Variants in PRKCQ observed in about 807,000 individuals in gnomAD.
PRKCQ encodes the protein protein kinase C theta.
Under a neutral mutation model 91.2 loss-of-function variants are expected in PRKCQ, and 41 were observed. The ratio of observed to expected loss-of-function variants is 0.45; its 90% confidence interval spans 0.35 to 0.58. PRKCQ has a LOEUF of 0.58. Ranked by LOEUF, PRKCQ falls within the 20% of genes least tolerant of loss-of-function variation. The pLI, the probability that PRKCQ is intolerant of heterozygous loss-of-function variation, is 0.00. For missense variants in PRKCQ, 673 were observed against 896.5 expected (o/e 0.75, Z 3.18); for synonymous variants, 307 against 316.9 (o/e 0.97, Z 0.33).
chr10:6,550,289 T>TC (rs1415884821), intron 1 of PRKCQ, among the ~76,000 whole-genome samples: 1 of 152,204 alleles, frequency 6.6e-6, no homozygotes, highest in Non-Finnish European at 1.5e-5. Context: ...CACTTTTTTT[T>TC]CTGAGATGGA....
intron 1 of PRKCQ, among the ~76,000 whole-genome samples, chr10:6,522,658 A>C: frequency 6.6e-6 from 1 of 152,270 alleles, no homozygotes; most frequent in East Asian, 1.9e-4. Flanking sequence ...TCTTCATTTA[A>C]TAAAATGTTT....
Position 6,430,941 on chromosome 10 carries a change from G to A in PRKCQ, c.1837-3C>T, listed in dbSNP as rs1319449920. 1 of 1,613,670 alleles carries A rather than the reference G, an allele frequency of 6.2e-7. No homozygotes were observed. Among genetic ancestry groups the A allele is most frequent in the East Asian group, 2.2e-5 (1 of 44,886 alleles). ...TTCTCAGGTTCTCGCACGAAGAGCT[G>A]AAAGGGAGCAGAGCAGGAGCCCTGA... is the stretch of plus-strand genomic sequence containing the variant. On this transcript the variant is annotated splice_polypyrimidine_tract_variant and splice_region_variant and intron_variant, in intron 16 of 17. Coordinates refer to ENST00000263125, the MANE Select transcript of PRKCQ (RefSeq NM_006257.5). This position sits in a 1 kb window ranked among gnomAD's most constrained non-coding sequence, Gnocchi z 4.7.
the PRKCQ span, among the ~76,000 whole-genome samples, chr10:6,400,061 G>A: frequency 6.6e-6 from 1 of 152,194 alleles, no homozygotes; most frequent in African/African-American, 2.4e-5. Flanking sequence ...TGAAAGAGAA[G>A]GCAGAGTCCA....
chr10:6,398,997 G>A, the PRKCQ span, among the ~76,000 whole-genome samples: 3 of 152,158 alleles, frequency 2.0e-5, no homozygotes, highest in African/African-American at 4.8e-5. Flanking sequence ...CTGAACTCAA[G>A]CAATCTGCCT....
intron 12 of PRKCQ, among the ~76,000 whole-genome samples, chr10:6,468,753 C>T (rs983416261): frequency 1.3e-5 from 2 of 152,124 alleles, no homozygotes; most frequent in African/African-American, 2.4e-5. Flanking sequence ...TATGACAAAA[C>T]ATCTAAATTT....
the PRKCQ span, among the ~76,000 whole-genome samples, chr10:6,410,416 T>A: frequency 6.6e-6 from 1 of 152,226 alleles, no homozygotes; most frequent in African/African-American, 2.4e-5. Context: ...GAATACTCCA[T>A]CATACCAGCT....
chr10:6,431,035 C>T lies in PRKCQ; in HGVS notation c.1837-97G>A, dbSNP rs550229709. On this transcript the variant is annotated intron_variant, in intron 16 of 17. Coordinates refer to ENST00000263125, the MANE Select transcript of PRKCQ (RefSeq NM_006257.5). ...TCCTGGTGCACCAGCCCCTTCTTTT[C>T]TAACCTCATTTTTCTACTCACCTTC... is the stretch of plus-strand genomic sequence containing the variant. 5.3e-5 allele frequency: 76 copies of T among 1,445,838 alleles called. No homozygotes were observed. In the East Asian group the frequency reaches 1.7e-3, roughly 32 times the overall value. The allele number at this position is 1,445,838 out of a possible 1,614,324, so 89.6% of individuals were successfully genotyped here.
chr10:6,421,528 C>T, the PRKCQ span, among the ~76,000 whole-genome samples: 1 of 152,270 alleles, frequency 6.6e-6, no homozygotes, highest in Non-Finnish European at 1.5e-5. This position sits in a 1 kb window ranked among gnomAD's most constrained non-coding sequence, Gnocchi z 4.1. Context: ...ACATTTCAAG[C>T]CAACAATAGC....
chr10:6,457,955 T>TC (rs1232842469), intron 14 of PRKCQ, among the ~76,000 whole-genome samples: 1 of 151,978 alleles, frequency 6.6e-6, no homozygotes, highest in South Asian at 2.1e-4. Flanking sequence ...AGGTTTTTTT[T>TC]TTTCCCCTGA....
downstream of PRKCQ, among the ~76,000 whole-genome samples, chr10:6,425,878 G>C (rs2132211788): frequency 6.6e-6 from 1 of 152,242 alleles, no homozygotes; most frequent in African/African-American, 2.4e-5. Context: ...AGTTGCGTTG[G>C]TTCCTGTTTC....
At position 6,491,663 on chromosome 10, in the gene PRKCQ, T is replaced by A. The variant is rs527611; in HGVS notation, c.790+20A>T. The A allele has an allele frequency of 0.4, 646,727 of 1,612,988 alleles. 134,327 individuals are homozygous for A. The highest frequency in any genetic ancestry group is 0.49 in the South Asian group (44,673 of 91,032). Reference sequence around the variant, plus strand: ...CTAGGGGGTCCACGTCGGGCCATGCTCATCCCCCACTGGACTCACCATCAC... The same window carrying A: ...CTAGGGGGTCCACGTCGGGCCATGCACATCCCCCACTGGACTCACCATCAC... On this transcript the variant is annotated intron_variant, in intron 8 of 17. Transcript: ENST00000263125.
intron 1 of PRKCQ, among the ~76,000 whole-genome samples, chr10:6,546,515 C>T (rs1430938247): frequency 3.7e-4 from 57 of 152,166 alleles, no homozygotes. Flanking sequence ...TGGGAGTTCA[C>T]TCATGATTTG....
chr10:6,554,158 A>G (rs1241915442), intron 1 of PRKCQ, among the ~76,000 whole-genome samples: 2 of 152,144 alleles, frequency 1.3e-5, no homozygotes, highest in Non-Finnish European at 2.9e-5. Context: ...TGATTCTAGG[A>G]ATTGAAACCC....
intron 1 of PRKCQ, among the ~76,000 whole-genome samples, chr10:6,552,589 C>G (rs1355053293): frequency 6.6e-6 from 1 of 152,024 alleles, no homozygotes; most frequent in African/African-American, 2.4e-5. Flanking sequence ...TTCAGTGTCC[C>G]AACTAGTTAC....
At chr10:6,461,859 A>C (rs147236155) in intron 14 of PRKCQ, among the ~76,000 whole-genome samples, 2 of 152,222 alleles carry the variant, frequency 1.3e-5, no homozygotes, top group African/African-American at 4.8e-5. Context: ...CAATAGTGTC[A>C]ATCTAAGAGC....
rs1841251798 is a variant in PRKCQ, at chr10:6,576,713, G to A, written c.-10+3498C>T. On this transcript the variant is annotated intron_variant, in intron 1 of 17. Coordinates refer to ENST00000263125, the MANE Select transcript of PRKCQ (RefSeq NM_006257.5). This position sits in a 1 kb window ranked among gnomAD's most constrained non-coding sequence, Gnocchi z 4.2. ...TAAGAAGTTAAATTTTAAGTTATGT[G>A]TATTTTAACCACAATAAAAAAGTTA... Among the ~76,000 whole-genome samples the A allele has an allele frequency of 2.6e-5, 4 of 152,196 alleles. No individual in the cohort carries two copies.
chr10:6,493,847 AG>A (rs1837451182), intron 7 of PRKCQ, among the ~76,000 whole-genome samples: 1 of 152,212 alleles, frequency 6.6e-6, no homozygotes, highest in South Asian at 2.1e-4. Context: ...GGTTAGCACA[AG>A]TTTATCTCCT....
intron 1 of PRKCQ, among the ~76,000 whole-genome samples, chr10:6,526,661 C>T (rs988082471): frequency 6.6e-6 from 1 of 152,112 alleles, no homozygotes; most frequent in Non-Finnish European, 1.5e-5. Flanking sequence ...GGCGGATGGG[C>T]TGCGTGGAGT....
At chr10:6,404,516 T>TCCTC in the PRKCQ span, among the ~76,000 whole-genome samples, 7 of 149,844 alleles carry the variant, frequency 4.7e-5, no homozygotes, top group South Asian at 2.2e-4. Context: ...TGTCTCTCCT[T>TCCTC]CCTCCCTCCT....
Sources: gnomAD v4.1 joint callset for allele counts (sites outside exome capture counted in the v4.1 genomes callset) on GRCh38, gnomAD v4.1.1 for gene constraint, Gnocchi (gnomAD v3.1) non-coding constraint, MANE v1.5 for transcripts, NCBI Gene and HGNC (gene_info 2026-07-23, HGNC 2026-07-21) for gene names.